The following RAD51B variants were observed in gnomAD, a reference collection of about 807,000 sequenced individuals.
The protein encoded by RAD51B is RAD51 paralog B.
A neutral mutation model predicts 42.2 loss-of-function variants in RAD51B; 38 were observed. That is an observed-to-expected ratio of 0.90 (90% CI 0.70 to 1.18). The LOEUF (loss-of-function observed/expected upper bound fraction) is 1.18, where lower values mean the gene tolerates loss of function less well. Ranked by LOEUF, RAD51B falls within the 50% of genes most tolerant of loss-of-function variation. The pLI, the probability that RAD51B is intolerant of heterozygous loss-of-function variation, is 0.00. For missense variants in RAD51B, 373 were observed against 400.7 expected, an observed-to-expected ratio of 0.93 and a Z score of 0.59; for synonymous variants, 154 against 145.2, an observed-to-expected ratio of 1.06 and a Z score of -0.43.
At chr14:67,841,264 T>C (rs1376573763) in intron 4 of RAD51B, among the ~76,000 whole-genome samples, 1 of 152,258 alleles carries the variant, frequency 6.6e-6, no homozygotes, top group Non-Finnish European at 1.5e-5. Context: ...TTACCCACTT[T>C]TAATGGGGTC....
At chr14:68,412,538 G>C (rs529353519) in intron 9 of RAD51B, among the ~76,000 whole-genome samples, 109 of 152,288 alleles carry the variant, frequency 7.2e-4, no homozygotes, top group Non-Finnish European at 1.4e-3. Flanking sequence ...AAACAGGCGT[G>C]AGCTATTGCC....
At chr14:68,030,367 T>C (rs570553072) in intron 7 of RAD51B, among the ~76,000 whole-genome samples, 10 of 152,330 alleles carry the variant, frequency 6.6e-5, no homozygotes, top group African/African-American at 2.4e-4. Flanking sequence ...AATGATCTTA[T>C]CTAGATTTTC....
chr14:68,549,806 C>G (rs965689541), intron 10 of RAD51B, among the ~76,000 whole-genome samples: 1 of 152,156 alleles, frequency 6.6e-6, no homozygotes, highest in African/African-American at 2.4e-5. Context: ...GAAGCTACAG[C>G]GGAATCCTGC....
chr14:67,823,465 G>C (rs1240557953), intron 1 of RAD51B, 77 bp from the exon 2 acceptor site: 2 of 1,202,746 alleles, frequency 1.7e-6, no homozygotes, highest in African/African-American at 3.1e-5. Flanking sequence ...TTTTGTTTTG[G>C]ATAGCCTATT....
chr14:68,398,397 G>A (rs1036862943), intron 8 of RAD51B, among the ~76,000 whole-genome samples: 32 of 152,128 alleles, frequency 2.1e-4, no homozygotes, highest in Admixed American at 5.9e-4. Flanking sequence ...TGCTGTCACT[G>A]AGGAAACACA....
chr14:68,275,838 A>ACACCCACC (rs1555385472), intron 7 of RAD51B, among the ~76,000 whole-genome samples: 1 of 143,070 alleles, frequency 7.0e-6, no homozygotes, highest in African/African-American at 2.8e-5. Flanking sequence ...ACACACACAC[A>ACACCCACC]CACCCTTGAA....
At chr14:67,943,999 C>T (rs969568674) in intron 7 of RAD51B, among the ~76,000 whole-genome samples, 11 of 152,128 alleles carry the variant, frequency 7.2e-5, no homozygotes, top group Admixed American at 6.5e-4. Context: ...ATTTCTTCAG[C>T]ACTCTGGGAT....
intron 7 of RAD51B, among the ~76,000 whole-genome samples, chr14:67,948,477 C>A (rs540463356): frequency 1.3e-5 from 2 of 152,098 alleles, no homozygotes; most frequent in African/African-American, 4.8e-5. Flanking sequence ...CAGTATACAG[C>A]CATACCTTGT....
At chr14:68,473,710 GA>G (rs1461739607) in intron 10 of RAD51B, among the ~76,000 whole-genome samples, 2 of 152,004 alleles carry the variant, frequency 1.3e-5, no homozygotes, top group Non-Finnish European at 2.9e-5. Flanking sequence ...ATTTGTTTCA[GA>G]TTTTTTTTTT....
chr14:68,124,729 G>A (rs370120385), intron 7 of RAD51B, among the ~76,000 whole-genome samples: 6 of 152,074 alleles, frequency 3.9e-5, no homozygotes, highest in Admixed American at 1.3e-4. Context: ...CAAGGGGGGC[G>A]GATCATGAGG....
rs934865536 is a variant in RAD51B at position 67,886,087 on chromosome 14, A to G, written c.572+99A>G. On this transcript the variant is annotated intron_variant, in intron 6 of 10. Transcript: ENST00000471583. Reference sequence around the variant, plus strand: ...TAAGTGAAAAAAGTCTTTATAGGTTAGAATTATGTGGAGTAACTTTTTCAG... The same window carrying G: ...TAAGTGAAAAAAGTCTTTATAGGTTGGAATTATGTGGAGTAACTTTTTCAG... 4.8e-6 allele frequency: 5 copies of G among 1,034,504 alleles called. No individual in the cohort carries two copies. The African/African-American group carries it at 6.5e-5, about 14-fold the overall frequency. 64.1% of individuals were successfully genotyped at this position (1,034,504 alleles called of 1,614,324 possible).
At chr14:68,558,140 G>A (rs998838163) in intron 10 of RAD51B, among the ~76,000 whole-genome samples, 44 of 152,360 alleles carry the variant, frequency 2.9e-4, no homozygotes, top group Middle Eastern at 3.4e-3. Context: ...GGTAGTGGCA[G>A]TGTGGCTTTA....
chr14:68,605,440 C>G (rs1292472147), intron 10 of RAD51B, among the ~76,000 whole-genome samples: 1 of 152,248 alleles, frequency 6.6e-6, no homozygotes, highest in South Asian at 2.1e-4. Flanking sequence ...TTTGTCCCTG[C>G]TACTGTGTCT....
chr14:67,959,598 G>C (rs1323817552), intron 7 of RAD51B, among the ~76,000 whole-genome samples: 1 of 152,058 alleles, frequency 6.6e-6, no homozygotes, highest in Non-Finnish European at 1.5e-5. Flanking sequence ...GGTAAGCCGG[G>C]TATAAATATG....
intron 10 of RAD51B, among the ~76,000 whole-genome samples, chr14:68,631,871 T>A (rs902485281): frequency 1.3e-5 from 2 of 152,218 alleles, no homozygotes; most frequent in Non-Finnish European, 2.9e-5. Context: ...TCTTGCTCTG[T>A]CCACACTGTA....
intron 10 of RAD51B, among the ~76,000 whole-genome samples, chr14:68,488,792 T>C (rs561808099): frequency 6.6e-6 from 1 of 152,348 alleles, no homozygotes; most frequent in African/African-American, 2.4e-5. Flanking sequence ...AATGTCTTAC[T>C]TAAAGTCTTT....
At chr14:67,837,156 TAC>T (rs774191786) in intron 4 of RAD51B, among the ~76,000 whole-genome samples, 529 of 150,512 alleles carry the variant, frequency 3.5e-3, no homozygotes, top group African/African-American at 0.011. Flanking sequence ...CACACACACA[TAC>T]ACACACACAC....
At position 68,675,211 on chromosome 14, in the gene RAD51B, G is replaced by A. The variant is rs184382393; in HGVS notation, c.*11+24355G>A. Among the ~76,000 whole-genome samples the A allele has an allele frequency of 5.6e-3, 852 of 152,262 alleles. 8 individuals are homozygous for A. The highest frequency in any genetic ancestry group is 7.5e-3 in the Non-Finnish European group (513 of 68,016). On this transcript the variant is annotated intron_variant, in intron 11 of 11. Transcript: ENST00000488612. The stretch of plus-strand genomic sequence containing the variant: ...TGGGATGATTATCTCAGGGACTAGG[G>A]TGTCAGTAACAAACACAGGGAGTTG...
chr14:68,593,400 G>A (rs1308824951), intron 10 of RAD51B, among the ~76,000 whole-genome samples: 1 of 152,214 alleles, frequency 6.6e-6, no homozygotes, highest in Non-Finnish European at 1.5e-5. Flanking sequence ...TGATCATTGG[G>A]CCCTTTGATG....
Sources: allele counts gnomAD v4.1 joint callset (sites outside exome capture counted in the v4.1 genomes callset), GRCh38; gene constraint gnomAD v4.1.1; transcripts MANE v1.5; gene names NCBI Gene and HGNC (gene_info 2026-07-23, HGNC 2026-07-21).